ATG7: variants seen among roughly 807,000 people sequenced by gnomAD.
ATG7 encodes autophagy related 7.
ATG7 carries 70 observed loss-of-function variants against 82.4 expected under a neutral mutation model. The observed-to-expected ratio is 0.85, with a 90% CI of 0.70 to 1.04. ATG7 has a LOEUF of 1.04. ATG7 is among the 50% of genes least tolerant of loss of function. The pLI is 0.00. For synonymous variants in ATG7, 287 were observed against 313.0 expected, an observed-to-expected ratio of 0.92 and a Z score of 0.88; for missense variants, 792 against 864.3, an observed-to-expected ratio of 0.92 and a Z score of 1.05.
At chr3:11,520,628 A>G (rs919595994) in intron 20 of ATG7, among the ~76,000 whole-genome samples, 11 of 152,128 alleles carry the variant, frequency 7.2e-5, no homozygotes, top group African/African-American at 2.7e-4. Flanking sequence ...GGGTGAAAGC[A>G]GGGCCTCAGC....
At chr3:11,393,621 G>C (rs1438812247) in intron 19 of ATG7, among the ~76,000 whole-genome samples, 1 of 152,114 alleles carries the variant, frequency 6.6e-6, no homozygotes, top group Non-Finnish European at 1.5e-5. Flanking sequence ...CAGAGCCATT[G>C]ATGAATGGCT....
intron 3 of ATG7, among the ~76,000 whole-genome samples, chr3:11,298,172 C>A (rs1457876798): frequency 6.6e-6 from 1 of 150,670 alleles, no homozygotes; most frequent in African/African-American, 2.5e-5. Context: ...GAGACTCCAT[C>A]TCAATTAAAA....
the ATG7 span, among the ~76,000 whole-genome samples, chr3:11,566,164 ACACACACAATGTTACGCATG>A: frequency 6.6e-6 from 1 of 152,214 alleles, no homozygotes. Context: ...AATGAATGTT[ACACACACAATGTTACGCATG>A]CACACAGAAT....
chr3:11,303,055 C>A (rs935493430), intron 5 of ATG7, among the ~76,000 whole-genome samples: 2 of 152,194 alleles, frequency 1.3e-5, no homozygotes, highest in Admixed American at 6.5e-5. Context: ...GTTGTGGCTC[C>A]ATTATCCCTG....
At chr3:11,372,689 G>A (rs1002536437) in intron 18 of ATG7, among the ~76,000 whole-genome samples, 1 of 150,884 alleles carries the variant, frequency 6.6e-6, no homozygotes, top group African/African-American at 2.4e-5. Context: ...ATATTTTACT[G>A]TACTAAGGGA....
chr3:11,357,989 A>G (rs897128326), intron 14 of ATG7, among the ~76,000 whole-genome samples: 11 of 151,034 alleles, frequency 7.3e-5, no homozygotes, highest in African/African-American at 2.7e-4. Flanking sequence ...AGCCTGGGTG[A>G]CAAAGTAAGA....
intron 9 of ATG7, among the ~76,000 whole-genome samples, chr3:11,322,005 C>T (rs766535013): frequency 1.1e-4 from 16 of 152,082 alleles, no homozygotes; most frequent in Non-Finnish European, 2.2e-4. Context: ...AGTTCAGCAG[C>T]CCCCGGGACA....
chr3:11,563,609 T>C, the ATG7 span, among the ~76,000 whole-genome samples: 12 of 152,128 alleles, frequency 7.9e-5, no homozygotes, highest in East Asian at 1.9e-4. Context: ...TCGTAAAACG[T>C]TGAAATGAAC....
At chr3:11,550,063 T>C (rs912929935) in intron 20 of ATG7, among the ~76,000 whole-genome samples, 2 of 152,354 alleles carry the variant, frequency 1.3e-5, no homozygotes, top group South Asian at 2.1e-4. Flanking sequence ...AATCAAGTTT[T>C]TGTCTCTTTA....
At chr3:11,351,563 C>T (rs1307037268) in intron 14 of ATG7, among the ~76,000 whole-genome samples, 2 of 152,204 alleles carry the variant, frequency 1.3e-5, no homozygotes, top group Admixed American at 1.3e-4. Context: ...CCTGAGAGAG[C>T]AAGTCCAACT....
intron 20 of ATG7, among the ~76,000 whole-genome samples, chr3:11,530,753 G>C (rs1188649033): frequency 6.6e-6 from 1 of 152,162 alleles, no homozygotes; most frequent in East Asian, 1.9e-4. Context: ...GGCTGAGTCA[G>C]GCAGATCACT....
chr3:11,483,928 C>T (rs2089314021), intron 20 of ATG7, among the ~76,000 whole-genome samples: 2 of 152,120 alleles, frequency 1.3e-5, no homozygotes, highest in Non-Finnish European at 2.9e-5. Context: ...ATGAACCTAG[C>T]AAGAAAGTAT....
At chr3:11,279,396 CT>C (rs1286262652) in intron 1 of ATG7, among the ~76,000 whole-genome samples, 2 of 152,092 alleles carry the variant, frequency 1.3e-5, no homozygotes, top group African/African-American at 4.8e-5. Context: ...TTCTTAAAAC[CT>C]TGGCTTGGCT....
At chr3:11,349,074 C>T (rs936950602) in intron 14 of ATG7, among the ~76,000 whole-genome samples, 1 of 151,422 alleles carries the variant, frequency 6.6e-6, no homozygotes, top group South Asian at 2.1e-4. Context: ...CTGATTGGTG[C>T]GTTTACAGTC....
At chr3:11,513,572 T>C (rs1398434339) in intron 20 of ATG7, among the ~76,000 whole-genome samples, 3 of 152,132 alleles carry the variant, frequency 2.0e-5, no homozygotes, top group African/African-American at 7.2e-5. Context: ...CACCCGGAAC[T>C]CCAGCTGGCC....
At chr3:11,495,588 A>C (rs979648374) in intron 20 of ATG7, among the ~76,000 whole-genome samples, 24 of 152,286 alleles carry the variant, frequency 1.6e-4, no homozygotes, top group Middle Eastern at 6.8e-3. Flanking sequence ...GGAAAAAGAC[A>C]AACTGTTTAG....
intron 20 of ATG7, among the ~76,000 whole-genome samples, chr3:11,521,867 T>C (rs1235290138): frequency 6.6e-6 from 1 of 152,050 alleles, no homozygotes; most frequent in African/African-American, 2.4e-5. Context: ...CCAGGAAGTT[T>C]TGTGGGGAAT....
chr3:11,469,988 C>CAAAAAAAAAAAAAAAAA lies in ATG7; in HGVS notation c.2079+43067_2079+43083dup, dbSNP rs10628540. ...TGGGTGACGGAACGAGACTCCATCTCAAAAAAAAAAAAAAAAAAAAAGAGA... is the reference window on the plus strand; with the variant it reads ...TGGGTGACGGAACGAGACTCCATCTCAAAAAAAAAAAAAAAAAAAAAAAAAAAAAAAAAAAAAAGAGA... On this transcript the variant is annotated intron_variant, in intron 20 of 20. Transcript: ENST00000693202. Among the ~76,000 whole-genome samples, 15 of 87,542 alleles carry CAAAAAAAAAAAAAAAAA rather than the reference C, an allele frequency of 1.7e-4. 1 individual carries two copies. Among genetic ancestry groups the CAAAAAAAAAAAAAAAAA allele is most frequent in the African/African-American group, 6.7e-4 (14 of 20,922 alleles). The allele number at this position is 87,542 out of a possible 152,430, so 57.4% of individuals were successfully genotyped here. A position where few individuals can be genotyped will look rare whatever the true frequency, so the allele number is the denominator to read the frequency against.
At chr3:11,354,332 T>C (rs950098897) in intron 14 of ATG7, among the ~76,000 whole-genome samples, 1 of 152,106 alleles carries the variant, frequency 6.6e-6, no homozygotes, top group Non-Finnish European at 1.5e-5. Flanking sequence ...TTATAAATCA[T>C]ATAGCTATTT....
Sources: allele counts gnomAD v4.1 joint callset (sites outside exome capture counted in the v4.1 genomes callset), GRCh38; gene constraint gnomAD v4.1.1; transcripts MANE v1.5; gene names NCBI Gene and HGNC (gene_info 2026-07-23, HGNC 2026-07-21).